Variants in B3GAT2 observed in about 807,000 individuals in gnomAD.
B3GAT2 encodes galactosylgalactosylxylosylprotein 3-beta-glucuronosyltransferase 2.
B3GAT2 carries 26 observed loss-of-function variants against 27.8 expected under a neutral mutation model. The observed-to-expected ratio is 0.93, with a 90% CI of 0.68 to 1.30. B3GAT2 has a LOEUF of 1.30. Ranked by LOEUF, B3GAT2 falls within the 50% of genes most tolerant of loss-of-function variation. The probability of loss-of-function intolerance (pLI) is 0.00; values close to 1 mark genes in which losing one functional copy is unlikely to be tolerated. For missense variants in B3GAT2, 458 were observed against 459.0 expected, an observed-to-expected ratio of 1.00 and a Z score of 0.02; for synonymous variants, 218 against 195.1, an observed-to-expected ratio of 1.12 and a Z score of -0.98.
chr6:70,940,672 A>G (rs1307971069), intron 1 of B3GAT2, among the ~76,000 whole-genome samples: 2 of 152,148 alleles, frequency 1.3e-5, no homozygotes, highest in Admixed American at 6.5e-5. Flanking sequence ...TCACACCTGT[A>G]ATCCCAGCAC....
At position 70,956,574 on chromosome 6, in the gene B3GAT2, G is replaced by A; in HGVS notation, c.-145C>T. 6.9e-7 allele frequency: 1 copy of A among 1,458,696 alleles called. No homozygotes were observed. The allele number at this position is 1,458,696 out of a possible 1,614,324, so 90.4% of individuals were successfully genotyped here. ...GGGGCCGAGGGCGCTGCAGAGACCTGGAGCCGCGGGGCTCACTACCTGGGC... is the reference window on the plus strand; with the variant it reads ...GGGGCCGAGGGCGCTGCAGAGACCTAGAGCCGCGGGGCTCACTACCTGGGC... On this transcript the variant is annotated 5_prime_UTR_variant, in exon 1 of 4. Coordinates refer to ENST00000230053, the MANE Select transcript of B3GAT2 (RefSeq NM_080742.3).
intron 1 of B3GAT2, among the ~76,000 whole-genome samples, chr6:70,907,282 ACTC>A (rs377200443): frequency 1.3e-3 from 204 of 151,764 alleles, no homozygotes; most frequent in African/African-American, 4.7e-3. Context: ...AAGTGCCCTC[ACTC>A]CTAAGGATGG....
At chr6:70,924,604 C>T (rs937127767) in intron 1 of B3GAT2, among the ~76,000 whole-genome samples, 1 of 152,130 alleles carries the variant, frequency 6.6e-6, no homozygotes, top group Non-Finnish European at 1.5e-5. Context: ...AAACCCTATG[C>T]AACCACCCTT....
intron 1 of B3GAT2, among the ~76,000 whole-genome samples, chr6:70,913,732 T>A (rs1191263442): frequency 6.6e-6 from 1 of 152,220 alleles, no homozygotes; most frequent in African/African-American, 2.4e-5. Context: ...AGTCAAATAC[T>A]GAGTTCAGGT....
At chr6:70,925,035 G>A (rs1033546714) in intron 1 of B3GAT2, among the ~76,000 whole-genome samples, 4 of 152,168 alleles carry the variant, frequency 2.6e-5, no homozygotes, top group African/African-American at 9.7e-5. Context: ...AACCAGTCCT[G>A]CGGCCTTCGC....
chr6:70,885,759 G>C (rs1358137498), intron 2 of B3GAT2, among the ~76,000 whole-genome samples: 1 of 152,138 alleles, frequency 6.6e-6, no homozygotes, highest in Non-Finnish European at 1.5e-5. Context: ...CAGAAAGCTG[G>C]TGCAATGATC....
At chr6:70,891,588 C>A (rs150451925) in intron 2 of B3GAT2, among the ~76,000 whole-genome samples, 1 of 152,132 alleles carries the variant, frequency 6.6e-6, no homozygotes, top group Non-Finnish European at 1.5e-5. Flanking sequence ...ACAAACAGGA[C>A]AGGCTCTGAG....
intron 2 of B3GAT2, among the ~76,000 whole-genome samples, chr6:70,870,651 C>A (rs182557052): frequency 2.6e-4 from 40 of 151,626 alleles, no homozygotes; most frequent in African/African-American, 7.0e-4. Context: ...AACAAACAAA[C>A]AAAAAAACAG....
intron 1 of B3GAT2, among the ~76,000 whole-genome samples, chr6:70,947,850 G>A (rs1032765496): frequency 2.4e-4 from 37 of 152,082 alleles, no homozygotes; most frequent in African/African-American, 7.7e-4. Flanking sequence ...CTAGCAAACC[G>A]AATCCAGCAG....
intron 1 of B3GAT2, among the ~76,000 whole-genome samples, chr6:70,951,475 G>A (rs911206694): frequency 3.9e-5 from 6 of 152,086 alleles, no homozygotes; most frequent in Admixed American, 1.3e-4. Context: ...GCAATAATCC[G>A]AACATGTTTT....
In B3GAT2 at chr6:70,860,931, G is replaced by A. The variant is rs1299018490; in HGVS notation, c.*732C>T. 5.3e-6 allele frequency: 2 copies of A among 376,674 alleles called. No homozygotes were observed. Among genetic ancestry groups the A allele is most frequent in the African/African-American group, 2.1e-5 (1 of 48,140 alleles). 23.3% of individuals were successfully genotyped at this position (376,674 alleles called of 1,614,324 possible). ...AAACTTCGTTTAATGAATGCTTAAA[G>A]AATTCAAATTTTATCTGCCTCTCTT... On this transcript the variant is annotated 3_prime_UTR_variant, in exon 4 of 4. Transcript: ENST00000230053.
At position 70,859,340 on chromosome 6, in the gene B3GAT2, G is replaced by A. The variant is rs772047150; in HGVS notation, c.*2323C>T. 2 of 1,548,438 alleles carry A rather than the reference G, an allele frequency of 1.3e-6. No homozygotes were observed. Among genetic ancestry groups the A allele is most frequent in the East Asian group, 2.4e-5 (1 of 40,848 alleles). ...GCTCTTACTTCCAGATAATGCAGAA[G>A]GGTGATGCTGTTCTCCAGCACTCCA... On this transcript the variant is annotated 3_prime_UTR_variant, in exon 4 of 4. Transcript: ENST00000230053.
chr6:70,856,919 T>G lies in B3GAT2; in HGVS notation c.*4744A>C. The stretch of plus-strand genomic sequence containing the variant: ...TACAGTAACATCTGGGGATCTAGAT[T>G]TATTCACTGAGCAAACTACAAAATC... On this transcript the variant is annotated 3_prime_UTR_variant, in exon 4 of 4. Coordinates refer to ENST00000230053, the MANE Select transcript of B3GAT2 (RefSeq NM_080742.3). 1.2e-6 allele frequency: 2 copies of G among 1,613,948 alleles called. No individual in the cohort carries two copies. Among genetic ancestry groups the G allele is most frequent in the Non-Finnish European group, 1.7e-6 (2 of 1,179,830 alleles).
At chr6:70,864,346 C>T (rs763144740) in intron 2 of B3GAT2, among the ~76,000 whole-genome samples, 1 of 152,106 alleles carries the variant, frequency 6.6e-6, no homozygotes, top group African/African-American at 2.4e-5. Flanking sequence ...AATATCCTTC[C>T]AGCGCTTCAC....
chr6:70,928,349 G>A (rs949540830), intron 1 of B3GAT2, among the ~76,000 whole-genome samples: 1 of 151,784 alleles, frequency 6.6e-6, no homozygotes, highest in African/African-American at 2.4e-5. Context: ...CAGAACTGAA[G>A]GCGACAGAGA....
chr6:70,881,049 C>T (rs945384855), intron 2 of B3GAT2, among the ~76,000 whole-genome samples: 3 of 152,142 alleles, frequency 2.0e-5, no homozygotes. Flanking sequence ...TATAAGTCTC[C>T]TTCCACTGAC....
At chr6:70,932,870 T>C (rs777245688) in intron 1 of B3GAT2, among the ~76,000 whole-genome samples, 13 of 152,160 alleles carry the variant, frequency 8.5e-5, no homozygotes, top group African/African-American at 2.9e-4. Context: ...GGTGCAATCA[T>C]AGAGCACCAC....
intron 1 of B3GAT2, among the ~76,000 whole-genome samples, chr6:70,908,831 C>G (rs1032802009): frequency 6.6e-6 from 1 of 152,122 alleles, no homozygotes; most frequent in African/African-American, 2.4e-5. Context: ...AAAAAATTCT[C>G]AGGTTCTCCT....
intron 1 of B3GAT2, among the ~76,000 whole-genome samples, chr6:70,950,549 G>C (rs1765563565): frequency 6.6e-6 from 1 of 152,092 alleles, no homozygotes; most frequent in East Asian, 1.9e-4. Flanking sequence ...CAGGGCACCT[G>C]GGTTCAAAAT....
Sources: gnomAD v4.1 joint callset for allele counts (sites outside exome capture counted in the v4.1 genomes callset) on GRCh38, gnomAD v4.1.1 for gene constraint, MANE v1.5 for transcripts, NCBI Gene and HGNC (gene_info 2026-07-23, HGNC 2026-07-21) for gene names.